The following ALDH1A3 variants were observed in gnomAD, a reference collection of about 807,000 sequenced individuals.
The protein encoded by ALDH1A3 is retinaldehyde dehydrogenase 3.
A neutral mutation model predicts 57.5 loss-of-function variants in ALDH1A3; 28 were observed. That is an observed-to-expected ratio of 0.49 (90% confidence interval 0.36 to 0.67). ALDH1A3 has a LOEUF of 0.67. ALDH1A3 is among the 30% of genes least tolerant of loss of function. ALDH1A3 has a pLI of 0.00. For missense variants in ALDH1A3, 507 were observed against 669.4 expected (o/e 0.76, Z 2.68); for synonymous variants, 281 against 264.8 (o/e 1.06, Z -0.59).
chr15:100,895,211 G>A (rs1355051114), intron 6 of ALDH1A3: 1 of 152,168 alleles, frequency 6.6e-6, no homozygotes, highest in Non-Finnish European at 1.5e-5. Flanking sequence ...AGGACTTTGG[G>A]AAGCCGAGGT....
chr15:100,894,722 A>G lies in ALDH1A3; in HGVS notation c.666+640A>G, dbSNP rs1473301413. On this transcript the variant is annotated intron_variant, in intron 6 of 12. Transcript: ENST00000329841. This position sits in a 1 kb window ranked among gnomAD's most constrained non-coding sequence, Gnocchi z 4.5. ...TTCCTTTCTCTTCTTAGTCGGGCTG[A>G]TATGACCGGCAGGCAGGTCCACAGT... The G allele has an allele frequency of 6.6e-6, 1 of 152,346 alleles. No individual in the cohort carries two copies. The highest frequency in any genetic ancestry group is 1.5e-5 in the Non-Finnish European group (1 of 68,166). The allele number at this position is 152,346 out of a possible 1,614,324, so 9.4% of individuals were successfully genotyped here.
At position 100,898,119 on chromosome 15, in the gene ALDH1A3, A is replaced by C; in HGVS notation, c.817A>C (p.Asn273His). The part of the protein sequence containing the change: ...KLVKEAASRS[N>H]LKRVTLELGG... ...GGTTAAAGAAGCTGCGTCCCGGAGC[A>C]ATCTGAAGCGGGTGACGCTGGAGCT... The change falls in exon 8 of 13, where the codon AAT becomes CAT. Residue 273 changes from asparagine (N) to histidine (H), a missense_variant. Around this residue, in one of 2 missense-constraint regions of ALDH1A3, gnomAD observed 432 missense variants for 608.4 expected, o/e 0.71. Coordinates refer to ENST00000329841, the MANE Select transcript of ALDH1A3 (RefSeq NM_000693.4). 6.2e-7 allele frequency: 1 copy of C among 1,614,160 alleles called. No individual in the cohort carries two copies. The highest frequency in any genetic ancestry group is 8.5e-7 in the Non-Finnish European group (1 of 1,180,008).
intron 9 of ALDH1A3, among the ~76,000 whole-genome samples, chr15:100,901,633 T>C (rs2041769774): frequency 6.6e-6 from 1 of 152,228 alleles, no homozygotes; most frequent in Non-Finnish European, 1.5e-5. Context: ...AGTTTCCTCA[T>C]CTGGAGAGTG....
rs2041921475 is a variant in ALDH1A3, at chr15:100,915,320, A to C, written c.*547A>C. ...TTTTTTGTTTTCTTGTTTTTAAAAA[A>C]AGGATTTCACAGTGAGAAAGTTTTG... is the stretch of plus-strand genomic sequence containing the variant. On this transcript the variant is annotated 3_prime_UTR_variant, in exon 13 of 13. Coordinates refer to ENST00000329841, the MANE Select transcript of ALDH1A3 (RefSeq NM_000693.4). 1 of 152,978 alleles carries C rather than the reference A, an allele frequency of 6.5e-6. No homozygotes were observed. Among genetic ancestry groups the C allele is most frequent in the Admixed American group, 6.5e-5 (1 of 15,440 alleles). 9.5% of individuals were successfully genotyped at this position (152,978 alleles called of 1,614,324 possible).
rs111286293 is a variant in ALDH1A3 at position 100,888,226 on chromosome 15, G to A, written c.345+514G>A. Among the ~76,000 whole-genome samples the A allele has an allele frequency of 6.3e-3, 964 of 152,214 alleles. 12 individuals are homozygous for A. The highest frequency in any genetic ancestry group is 0.02 in the African/African-American group (844 of 41,534). ...TGATTCTCTTGCCTCAGCCTCCTGAGTAGCTGGGACTACAGGTGCCTGCCA... is the reference window on the plus strand; with the variant it reads ...TGATTCTCTTGCCTCAGCCTCCTGAATAGCTGGGACTACAGGTGCCTGCCA... On this transcript the variant is annotated intron_variant, in intron 3 of 12. Coordinates refer to ENST00000329841, the MANE Select transcript of ALDH1A3 (RefSeq NM_000693.4).
rs769150775 is a variant in ALDH1A3 at position 100,892,540 on chromosome 15, T to C, written c.376T>C (p.Phe126Leu). Residue 126 changes from phenylalanine (F) to leucine (L), a missense_variant, in exon 4 of 13, where the codon TTT (phenylalanine) becomes CTT (leucine). This residue lies in a region of ALDH1A3 where 432 missense variants were observed against 608.4 expected (regional missense o/e 0.71). Transcript: ENST00000329841. ...GGAGACGATGGATACAGGGAAGCCA[T>C]TTCTTCATGCTTTTTTCATCGACCT... is the stretch of plus-strand genomic sequence containing the variant. ...ALETMDTGKP[F>L]LHAFFIDLEG... 1.5e-5 allele frequency: 25 copies of C among 1,612,916 alleles called. No homozygotes were observed. In the South Asian group the frequency reaches 2.8e-4, roughly 18 times the overall value.
At chr15:100,908,774 C>T (rs181030799) in intron 12 of ALDH1A3, among the ~76,000 whole-genome samples, 5 of 152,300 alleles carry the variant, frequency 3.3e-5, no homozygotes, top group Non-Finnish European at 7.4e-5. Context: ...GCTCCCTGGA[C>T]GGGGACACAG....
At chr15:100,900,963 G>C (rs1357246684) in intron 9 of ALDH1A3, among the ~76,000 whole-genome samples, 1 of 152,202 alleles carries the variant, frequency 6.6e-6, no homozygotes, top group South Asian at 2.1e-4. Flanking sequence ...GACACACTGA[G>C]GCATGGGAGG....
intron 12 of ALDH1A3, 62 bp downstream of exon 12, chr15:100,908,544 G>A: frequency 4.8e-6 from 7 of 1,458,696 alleles, no homozygotes; most frequent in Non-Finnish European, 6.7e-6. Context: ...TAGATTTGCA[G>A]GCAGTGACAC....
chr15:100,916,568 A>T lies in ALDH1A3; in HGVS notation c.*1795A>T, dbSNP rs1487982367. 1 of 152,302 alleles carries T rather than the reference A, an allele frequency of 6.6e-6. No homozygotes were observed. The highest frequency in any genetic ancestry group is 1.5e-5 in the Non-Finnish European group (1 of 68,046). 9.4% of individuals were successfully genotyped at this position (152,302 alleles called of 1,614,324 possible). A position where few individuals can be genotyped will look rare whatever the true frequency, so the allele number is the denominator to read the frequency against. ...CTATAGGCCTGGGAATTCCGATCCT[A>T]GCTGCAGATCGCATCCCACAATGCG... is the stretch of plus-strand genomic sequence containing the variant. On this transcript the variant is annotated 3_prime_UTR_variant, in exon 13 of 13. Transcript: ENST00000329841.
At chr15:100,905,727 T>A in intron 10 of ALDH1A3, 40 bp downstream of exon 10, 1 of 1,495,248 alleles carries the variant, frequency 6.7e-7, no homozygotes, top group Non-Finnish European at 8.9e-7. Flanking sequence ...TTGCGGGGCC[T>A]TTCAAACACG....
At chr15:100,904,846 C>T (rs2041806823) in intron 9 of ALDH1A3, among the ~76,000 whole-genome samples, 1 of 152,164 alleles carries the variant, frequency 6.6e-6, no homozygotes, top group African/African-American at 2.4e-5. Flanking sequence ...CAAGGAGCAG[C>T]CCTGCCACCC....
In ALDH1A3 at chr15:100,914,928, C is replaced by G; in HGVS notation, c.*155C>G. ...TTGAATGATTGCTGTTTTCCTCTCA[C>G]TCTCCTGTTTATTCACCAGACTGGG... On this transcript the variant is annotated 3_prime_UTR_variant, in exon 13 of 13. Transcript: ENST00000329841. 2 of 691,992 alleles carry G rather than the reference C, an allele frequency of 2.9e-6. No homozygotes were observed. Among genetic ancestry groups the G allele is most frequent in the Non-Finnish European group, 4.8e-6 (2 of 414,108 alleles). The allele number at this position is 691,992 out of a possible 1,614,324, so 42.9% of individuals were successfully genotyped here.
At chr15:100,882,338 C>A (rs2041554666) in intron 1 of ALDH1A3, among the ~76,000 whole-genome samples, 1 of 152,232 alleles carries the variant, frequency 6.6e-6, no homozygotes, top group Admixed American at 6.5e-5. Flanking sequence ...GGTCCCCACA[C>A]AGATCTCAGA....
chr15:100,911,847 A>T (rs547737472), intron 12 of ALDH1A3, among the ~76,000 whole-genome samples: 1 of 152,344 alleles, frequency 6.6e-6, no homozygotes, highest in South Asian at 2.1e-4. Flanking sequence ...TGTGTTAGTT[A>T]TGTGTTAATT....
In ALDH1A3 at chr15:100,906,833, T is replaced by C. The variant is rs1441047409; in HGVS notation, c.1234-288T>C. On this transcript the variant is annotated intron_variant, in intron 10 of 12. Coordinates refer to ENST00000329841, the MANE Select transcript of ALDH1A3 (RefSeq NM_000693.4). The surrounding 1 kb of genome is among the most constrained non-coding windows in gnomAD (Gnocchi z 4.8). ...GCATCTATGGGTTACTCCAAGGCTC[T>C]CTGGCTGGGTTTCTCGGAAACCCTG... 6.6e-6 allele frequency among the ~76,000 whole-genome samples: 1 copy of C among 152,240 alleles called. No homozygotes were observed. The highest frequency in any genetic ancestry group is 1.9e-4 in the East Asian group (1 of 5,204).
intron 2 of ALDH1A3, 141 bp downstream of exon 2, chr15:100,885,512 G>C (rs914307705): frequency 4.8e-6 from 3 of 620,186 alleles, no homozygotes; most frequent in African/African-American, 1.8e-5. Context: ...TTGGCATGTG[G>C]TTCTCAGACG....
intron 9 of ALDH1A3, among the ~76,000 whole-genome samples, chr15:100,901,846 C>A (rs2041772130): frequency 6.6e-6 from 1 of 152,178 alleles, no homozygotes; most frequent in African/African-American, 2.4e-5. Flanking sequence ...AGGAAGGATG[C>A]ATTTCTGGCC....
chr15:100,908,357 G>T, intron 11 of ALDH1A3, 51 bp from the exon 12 acceptor site: 7 of 1,525,552 alleles, frequency 4.6e-6, no homozygotes, highest in Non-Finnish European at 6.4e-6. Context: ...AGTGCCAGGA[G>T]CCAGGGGGTC....
Sources: gnomAD v4.1 joint callset for allele counts (sites outside exome capture counted in the v4.1 genomes callset) on GRCh38, gnomAD v4.1.1 for gene constraint, gnomAD v4.1.1 regional missense constraint, Gnocchi (gnomAD v3.1) non-coding constraint, MANE v1.5 for transcripts, NCBI Gene and HGNC (gene_info 2026-07-23, HGNC 2026-07-21) for gene names.